SLC18A2: variants seen among roughly 807,000 people sequenced by gnomAD.
SLC18A2 encodes solute carrier family 18 member A2.
Under a neutral mutation model 59.2 loss-of-function variants are expected in SLC18A2, and 33 were observed. The observed-to-expected ratio is 0.56, with a 90% CI of 0.42 to 0.75. The LOEUF is 0.75. Among genes scored for constraint, SLC18A2 ranks in the 30% least tolerant of loss-of-function variants. The pLI is 0.00. For missense variants in SLC18A2, 569 were observed against 668.6 expected (o/e 0.85, Z 1.64); for synonymous variants, 228 against 253.5 (o/e 0.90, Z 0.95).
Position 117,277,333 on chromosome 10 carries a change from A to C in SLC18A2, c.*67A>C. The stretch of plus-strand genomic sequence containing the variant: ...AACAGTGTTTCCAGTGACACAACTC[A>C]TCCAGAACTGTCTTAGTCATACCAT... On this transcript the variant is annotated 3_prime_UTR_variant, in exon 16 of 16. Coordinates refer to ENST00000644641, the MANE Select transcript of SLC18A2 (RefSeq NM_003054.6). 2.0e-5 allele frequency: 19 copies of C among 956,382 alleles called. No individual in the cohort carries two copies. The highest frequency in any genetic ancestry group is 2.9e-5 in the Non-Finnish European group (18 of 615,364). 59.2% of individuals were successfully genotyped at this position (956,382 alleles called of 1,614,324 possible).
intron 3 of SLC18A2, 92 bp downstream of exon 3, chr10:117,244,405 G>T: frequency 8.2e-7 from 1 of 1,226,904 alleles, no homozygotes. Context: ...TCATTGGTGA[G>T]AGTCTGGAAA....
chr10:117,255,451 G>A (rs373581771), intron 7 of SLC18A2, 28 bp from the exon 8 acceptor site: 2 of 1,613,980 alleles, frequency 1.2e-6, no homozygotes, highest in African/African-American at 2.7e-5. Flanking sequence ...CTGAAGAGGG[G>A]CTTGTCTTTT....
Position 117,241,661 on chromosome 10 carries a change from C to G in SLC18A2, c.-15-18C>G. 1 of 1,546,568 alleles carries G rather than the reference C, an allele frequency of 6.5e-7. No homozygotes were observed. Among genetic ancestry groups the G allele is most frequent in the Non-Finnish European group, 8.7e-7 (1 of 1,148,788 alleles). Reference sequence around the variant, plus strand: ...GTCCACGGCCGCCTTGGGTCCTCACCGCGCACCGCGCCCGCAGCGGAGCCC... The same window carrying G: ...GTCCACGGCCGCCTTGGGTCCTCACGGCGCACCGCGCCCGCAGCGGAGCCC... On this transcript the variant is annotated intron_variant, in intron 1 of 15. Transcript: ENST00000644641.
intron 6 of SLC18A2, 62 bp from the exon 7 acceptor site, chr10:117,255,215 G>T: frequency 7.0e-7 from 1 of 1,436,348 alleles, no homozygotes; most frequent in Non-Finnish European, 9.8e-7. Context: ...CAAATAGATG[G>T]TTCTAGTACA....
intron 10 of SLC18A2, among the ~76,000 whole-genome samples, chr10:117,265,008 C>T (rs944649624): frequency 1.3e-5 from 2 of 152,202 alleles, no homozygotes; most frequent in East Asian, 1.9e-4. Flanking sequence ...ACAAGAATCA[C>T]GTTGTCATTG....
chr10:117,257,934 C>A (rs763611772), intron 10 of SLC18A2, 42 bp downstream of exon 10: 3 of 1,423,400 alleles, frequency 2.1e-6, no homozygotes, highest in South Asian at 1.2e-5. Flanking sequence ...GAGCATTTGT[C>A]CCCAGGGCAG....
rs363264 is a variant in SLC18A2, at chr10:117,266,664, C to T, written c.992-69C>T. 5.6e-3 allele frequency: 6,682 copies of T among 1,191,912 alleles called. 35 individuals carry two copies. Among genetic ancestry groups the T allele is most frequent in the Non-Finnish European group, 7.0e-3 (5,628 of 808,954 alleles). The allele number at this position is 1,191,912 out of a possible 1,614,324, so 73.8% of individuals were successfully genotyped here. Reference sequence around the variant, plus strand: ...GCTCTCATCAACATTGTGGTGTCTACAGTTATTACTTTTTCTAACATATGA... The same window carrying T: ...GCTCTCATCAACATTGTGGTGTCTATAGTTATTACTTTTTCTAACATATGA... On this transcript the variant is annotated intron_variant, in intron 10 of 15. Transcript: ENST00000644641.
At chr10:117,261,168 T>C (rs1415761705) in intron 10 of SLC18A2, among the ~76,000 whole-genome samples, 9 of 151,532 alleles carry the variant, frequency 5.9e-5, no homozygotes, top group Admixed American at 5.9e-4. Flanking sequence ...GACCAGGAGT[T>C]CAAGACCAGC....
At position 117,246,512 on chromosome 10, in the gene SLC18A2, T is replaced by G. The variant is rs541003110; in HGVS notation, c.464+2199T>G. On this transcript the variant is annotated intron_variant, in intron 3 of 15. Transcript: ENST00000644641. Reference sequence around the variant, plus strand: ...TCTTCCATTTTGTGACTTGTGAAATTTAGTCTATTCTCATGGTGAGTAATC... The same window carrying G: ...TCTTCCATTTTGTGACTTGTGAAATGTAGTCTATTCTCATGGTGAGTAATC... Among the ~76,000 whole-genome samples, 8 of 152,336 alleles carry G rather than the reference T, an allele frequency of 5.3e-5. No individual in the cohort carries two copies. The East Asian group carries it at 1.4e-3, about 26-fold the overall frequency.
In SLC18A2 at chr10:117,255,282, C is replaced by G. The variant is rs775712614; in HGVS notation, c.706C>G (p.Pro236Ala). The change falls in exon 7 of 16, where the codon CCC becomes GCC. Residue 236 changes from proline to alanine, a missense_variant. Physicochemically the swap from Pro to Ala is conservative, Grantham distance 27. Transcript: ENST00000644641. Reference sequence around the variant, plus strand: ...CCCACTTTCTCTCCCTGCAGTGGGCCCCCCCTTCGGGAGTGTGCTCTATGA... The same window carrying G: ...CCCACTTTCTCTCCCTGCAGTGGGCGCCCCCTTCGGGAGTGTGCTCTATGA... The part of the protein sequence containing the change: ...GGLAMGVLVG[P>A]PFGSVLYEFV... 1 of 1,613,988 alleles carries G rather than the reference C, an allele frequency of 6.2e-7. No individual in the cohort carries two copies. The highest frequency in any genetic ancestry group is 1.3e-5 in the African/African-American group (1 of 74,916).
chr10:117,257,064 A>G (rs961771740), intron 9 of SLC18A2, among the ~76,000 whole-genome samples: 15 of 152,324 alleles, frequency 9.8e-5, no homozygotes, highest in South Asian at 2.1e-4. Flanking sequence ...GTCATGTCGA[A>G]TGAACAGACC....
chr10:117,267,032 A>G lies in SLC18A2; in HGVS notation c.1119A>G (p.Leu373=), dbSNP rs1266977977. The G allele has an allele frequency of 6.2e-7, 1 of 1,612,368 alleles. No individual in the cohort carries two copies. Residue 373 remains leucine, a synonymous_variant, in exon 12 of 16, where the codon TTA becomes TTG. Coordinates refer to ENST00000644641, the MANE Select transcript of SLC18A2 (RefSeq NM_003054.6). ...LGMIIVGVSI[L]CIPFAKNIYG... The stretch of plus-strand genomic sequence containing the variant: ...TGATAATTGTTGGAGTCAGCATTTT[A>G]TGTGTGAGTAAAAGATGGCATTTGA...
intron 2 of SLC18A2, among the ~76,000 whole-genome samples, 171 bp from the exon 3 acceptor site, chr10:117,243,800 G>C (rs1392491292): frequency 2.0e-5 from 3 of 152,100 alleles, no homozygotes; most frequent in Non-Finnish European, 2.9e-5. Flanking sequence ...TGGCCAGCCT[G>C]GTCTCGAACT....
intron 5 of SLC18A2, 108 bp from the exon 6 acceptor site, chr10:117,254,297 A>G: frequency 1.7e-6 from 2 of 1,193,584 alleles, no homozygotes; most frequent in African/African-American, 1.5e-5. Flanking sequence ...AGTGAATCTG[A>G]CAGGTTTGGG....
chr10:117,244,189 C>G lies in SLC18A2; in HGVS notation c.340C>G (p.Pro114Ala), dbSNP rs1228050846. Residue 114 changes from proline (P) to alanine (A), a missense_variant, in exon 3 of 16, where the codon CCT becomes GCT. Pro to Ala is a conservative substitution (Grantham distance 27, BLOSUM62 -1). Around this residue, in one of 2 missense-constraint regions of SLC18A2, gnomAD observed 377 missense variants for 389.8 expected, o/e 0.97. Transcript: ENST00000644641. ...CATGGTGACCAACGCGTCCGCTGTT[C>G]CTTCCGACTGTCCCAGTGAAGACAA... ...QHMVTNASAV[P>A]SDCPSEDKDL... is the part of the protein sequence containing the mutation. 2.0e-5 allele frequency: 32 copies of G among 1,614,096 alleles called. No homozygotes were observed. The highest frequency in any genetic ancestry group is 2.6e-5 in the Non-Finnish European group (31 of 1,180,048).
chr10:117,272,030 A>C (rs1844433489), intron 15 of SLC18A2, among the ~76,000 whole-genome samples: 1 of 152,190 alleles, frequency 6.6e-6, no homozygotes, highest in Non-Finnish European at 1.5e-5. Flanking sequence ...TAGGGCTAGC[A>C]TGGGCCTGGG....
At chr10:117,262,446 C>G (rs372026456) in intron 10 of SLC18A2, among the ~76,000 whole-genome samples, 1 of 152,112 alleles carries the variant, frequency 6.6e-6, no homozygotes, top group Non-Finnish European at 1.5e-5. Flanking sequence ...GATCTGACAC[C>G]GAGTCAGCAA....
chr10:117,261,446 C>T (rs1844294214), intron 10 of SLC18A2, among the ~76,000 whole-genome samples: 1 of 152,136 alleles, frequency 6.6e-6, no homozygotes, highest in African/African-American at 2.4e-5. Flanking sequence ...TATTGACAGT[C>T]CTTCCTAGAG....
At position 117,241,749 on chromosome 10, in the gene SLC18A2, G is replaced by T; in HGVS notation, c.56G>T (p.Arg19Leu). The T allele has an allele frequency of 6.2e-7, 1 of 1,610,724 alleles. No homozygotes were observed. Among genetic ancestry groups the T allele is most frequent in the South Asian group, 1.1e-5 (1 of 90,842 alleles). Residue 19 changes from arginine (R) to leucine (L), a missense_variant, in exon 2 of 16, where the codon CGG becomes CTG. Physicochemically the swap from Arg to Leu is moderately radical, Grantham distance 102 (BLOSUM62 -2). Around this residue, in one of 2 missense-constraint regions of SLC18A2, gnomAD observed 377 missense variants for 389.8 expected, o/e 0.97. Coordinates refer to ENST00000644641, the MANE Select transcript of SLC18A2 (RefSeq NM_003054.6). The part of the protein sequence containing the change: ...VRWLQESRRS[R>L]KLILFIVFLA... Reference sequence around the variant, plus strand: ...TGGCTGCAGGAGAGCCGCCGCTCGCGGAAGCTCATCCTGTTCATCGTGTTC... The same window carrying T: ...TGGCTGCAGGAGAGCCGCCGCTCGCTGAAGCTCATCCTGTTCATCGTGTTC...
Sources: gnomAD v4.1 joint callset for allele counts (sites outside exome capture counted in the v4.1 genomes callset) on GRCh38, gnomAD v4.1.1 for gene constraint, gnomAD v4.1.1 regional missense constraint, MANE v1.5 for transcripts, NCBI Gene and HGNC (gene_info 2026-07-23, HGNC 2026-07-21) for gene names.